RGS6: variants seen among roughly 807,000 people sequenced by gnomAD.
RGS6 encodes regulator of G-protein signaling 6.
A neutral mutation model predicts 78.5 loss-of-function variants in RGS6; 30 were observed. The observed-to-expected ratio is 0.38, with a 90% CI of 0.29 to 0.52. The LOEUF is 0.52. Among genes scored for constraint, RGS6 ranks in the 20% least tolerant of loss-of-function variants. RGS6 has a pLI of 0.85. For missense variants in RGS6, 495 were observed against 609.7 expected, an observed-to-expected ratio of 0.81 and a Z score of 1.98; for synonymous variants, 206 against 206.0, an observed-to-expected ratio of 1.00 and a Z score of 0.00.
intron 2 of RGS6, among the ~76,000 whole-genome samples, chr14:72,196,691 A>T (rs1335249021): frequency 6.6e-6 from 1 of 152,236 alleles, no homozygotes; most frequent in Non-Finnish European, 1.5e-5. Context: ...TCCTCTTCAA[A>T]TACTTGGGAT....
At chr14:72,118,188 T>C (rs989406562) in intron 2 of RGS6, among the ~76,000 whole-genome samples, 1 of 151,934 alleles carries the variant, frequency 6.6e-6, no homozygotes, top group Admixed American at 6.6e-5. Context: ...AACAGGTGTC[T>C]GCAGCCTCTG....
intron 1 of RGS6, among the ~76,000 whole-genome samples, chr14:71,947,930 T>A (rs544146941): frequency 1.5e-4 from 23 of 152,298 alleles, no homozygotes; most frequent in African/African-American, 5.5e-4. Context: ...CATATAATAG[T>A]GTTGATAGTG....
chr14:72,474,794 CA>C (rs1163261222), intron 10 of RGS6, 95 bp downstream of exon 10: 3 of 974,982 alleles, frequency 3.1e-6, no homozygotes, highest in African/African-American at 1.7e-5. Context: ...GTAATTCTAC[CA>C]CCTTTTGTCA....
chr14:72,553,802 G>T (rs1056297844), intron 17 of RGS6, among the ~76,000 whole-genome samples: 1 of 152,112 alleles, frequency 6.6e-6, no homozygotes, highest in South Asian at 2.1e-4. Context: ...TTCCTCTGTG[G>T]GCCCTGGGCC....
At chr14:72,208,472 T>C (rs2043211514) in intron 2 of RGS6, among the ~76,000 whole-genome samples, 1 of 152,170 alleles carries the variant, frequency 6.6e-6, no homozygotes, top group African/African-American at 2.4e-5. Context: ...AACCCAGAGT[T>C]TCAAGAGATA....
At chr14:72,327,767 G>A (rs577904767) in intron 2 of RGS6, among the ~76,000 whole-genome samples, 41 of 152,308 alleles carry the variant, frequency 2.7e-4, no homozygotes, top group Admixed American at 2.2e-3. Context: ...TTTGTCACTG[G>A]AGATGTTTTA....
intron 2 of RGS6, among the ~76,000 whole-genome samples, chr14:72,092,971 C>T (rs1439083699): frequency 1.3e-5 from 2 of 152,068 alleles, no homozygotes; most frequent in Non-Finnish European, 2.9e-5. Flanking sequence ...GTCTCTGGAT[C>T]CTCCACAGCA....
chr14:72,256,031 GTTC>G (rs2057004430), intron 2 of RGS6, among the ~76,000 whole-genome samples: 1 of 152,242 alleles, frequency 6.6e-6, no homozygotes, highest in African/African-American at 2.4e-5. Context: ...CAGCCCAGTG[GTTC>G]TTCTTGCCTG....
chr14:72,112,438 A>C (rs992818463), intron 2 of RGS6, among the ~76,000 whole-genome samples: 1 of 152,202 alleles, frequency 6.6e-6, no homozygotes, highest in Non-Finnish European at 1.5e-5. Context: ...GAGTGGCAGC[A>C]GGGTAGGATT....
chr14:72,388,259 T>TAC (rs1346083129), intron 3 of RGS6, among the ~76,000 whole-genome samples: 3 of 151,520 alleles, frequency 2.0e-5, no homozygotes, highest in Non-Finnish European at 4.4e-5. Context: ...CATATATATA[T>TAC]ACACATATAC....
chr14:71,906,786 G>A, the RGS6 span, among the ~76,000 whole-genome samples: 2 of 39,260 alleles, frequency 5.1e-5, no homozygotes, highest in Non-Finnish European at 1.3e-4. Flanking sequence ...GCAGAGGTCA[G>A]ATCAGTTTAT....
At chr14:72,182,200 G>C (rs1056457818) in intron 2 of RGS6, among the ~76,000 whole-genome samples, 7 of 152,080 alleles carry the variant, frequency 4.6e-5, no homozygotes, top group African/African-American at 1.7e-4. Context: ...ATGCGGTCAA[G>C]AGATCGAGAC....
At chr14:72,264,901 A>T (rs114223636) in intron 2 of RGS6, among the ~76,000 whole-genome samples, 85 of 152,288 alleles carry the variant, frequency 5.6e-4, no homozygotes, top group African/African-American at 2.0e-3. Flanking sequence ...CCATGCTTTC[A>T]GGAACCTCTC....
At chr14:72,569,488 T>C (rs1467039986), downstream of RGS6, among the ~76,000 whole-genome samples, 1 of 152,194 alleles carries the variant, frequency 6.6e-6, no homozygotes, top group African/African-American at 2.4e-5. Context: ...GAGGCCAGCC[T>C]GGTCAACATG....
At chr14:72,437,449 T>G (rs1167531386) in intron 3 of RGS6, among the ~76,000 whole-genome samples, 4 of 152,026 alleles carry the variant, frequency 2.6e-5, no homozygotes, top group Non-Finnish European at 5.9e-5. Flanking sequence ...CTCTCCTCAT[T>G]CATTATCTGG....
chr14:72,065,261 G>A (rs1304488703), intron 2 of RGS6, among the ~76,000 whole-genome samples: 2 of 152,174 alleles, frequency 1.3e-5, no homozygotes, highest in African/African-American at 4.8e-5. Flanking sequence ...GGGGACAGTG[G>A]GGAACAGGGT....
chr14:72,391,871 A>G (rs2090073944), intron 3 of RGS6, among the ~76,000 whole-genome samples: 1 of 152,086 alleles, frequency 6.6e-6, no homozygotes. Context: ...TCCTTGTGAT[A>G]GTTTGCTGAG....
At chr14:72,154,515 G>T (rs1352102077) in intron 2 of RGS6, among the ~76,000 whole-genome samples, 2 of 152,118 alleles carry the variant, frequency 1.3e-5, no homozygotes, top group African/African-American at 4.8e-5. Flanking sequence ...TTTGGGGGGG[G>T]TCCCTGACTT....
upstream of RGS6, among the ~76,000 whole-genome samples, chr14:71,928,621 C>T (rs890611824): frequency 6.6e-6 from 1 of 152,188 alleles, no homozygotes; most frequent in Non-Finnish European, 1.5e-5. Context: ...ATTTATCACC[C>T]GTTTTGAGAG....
Sources: allele counts gnomAD v4.1 joint callset (sites outside exome capture counted in the v4.1 genomes callset), GRCh38; gene constraint gnomAD v4.1.1; transcripts MANE v1.5; gene names NCBI Gene and HGNC (gene_info 2026-07-23, HGNC 2026-07-21).